Variants in GPC3 observed in about 807,000 individuals in gnomAD.
The protein encoded by GPC3 is glypican 3.
A neutral mutation model predicts 34.4 loss-of-function variants in GPC3; 3 were observed. The observed-to-expected ratio is 0.09, with a 90% confidence interval of 0.04 to 0.23. GPC3 has a LOEUF of 0.23. Among genes scored for constraint, GPC3 ranks in the 10% least tolerant of loss-of-function variants. GPC3 has a pLI of 1.00. For synonymous variants in GPC3, 177 were observed against 174.0 expected, an observed-to-expected ratio of 1.02 and a Z score of -0.13; for missense variants, 351 against 445.6, an observed-to-expected ratio of 0.79 and a Z score of 1.91.
intron 2 of GPC3, among the ~76,000 whole-genome samples, chrX:133,862,607 T>C (rs1214836156): frequency 9.1e-6 from 1 of 109,596 alleles, no homozygotes; most frequent in East Asian, 2.8e-4. Context: ...GGAGAATCGC[T>C]TGAACCTAGG....
At chrX:133,716,452 G>C (rs2071314190) in intron 3 of GPC3, among the ~76,000 whole-genome samples, 1 of 111,887 alleles carries the variant, frequency 8.9e-6, no homozygotes, top group Non-Finnish European at 1.9e-5. Context: ...ATGATGCCTT[G>C]ATAGGCAAAA....
intron 6 of GPC3, among the ~76,000 whole-genome samples, chrX:133,627,986 A>C (rs2070324479): frequency 8.9e-6 from 1 of 112,587 alleles, no homozygotes; most frequent in Admixed American, 9.4e-5. Flanking sequence ...ACATCAGTAG[A>C]TGAGGATCCT....
At chrX:133,853,882 A>G (rs2075887392) in intron 2 of GPC3, among the ~76,000 whole-genome samples, 1 of 111,856 alleles carries the variant, frequency 8.9e-6, no homozygotes. Context: ...CACTCCTCTC[A>G]GTCCTAGCTA....
chrX:133,970,912 G>T (rs1051993386), intron 1 of GPC3, among the ~76,000 whole-genome samples: 9 of 111,605 alleles, frequency 8.1e-5, no homozygotes, highest in East Asian at 5.6e-4. Context: ...AAATACCAAG[G>T]AATAGTCCAA....
chrX:133,806,688 G>A (rs933955101), intron 2 of GPC3, among the ~76,000 whole-genome samples: 4 of 106,665 alleles, frequency 3.8e-5, no homozygotes, highest in South Asian at 4.1e-4. Flanking sequence ...TTTCTCTGTC[G>A]CCCAGGCTGG....
chrX:133,621,411 G>C (rs180862543), intron 6 of GPC3, among the ~76,000 whole-genome samples: 3 of 112,219 alleles, frequency 2.7e-5, no homozygotes, highest in East Asian at 5.6e-4. Flanking sequence ...GCCAAAGGAA[G>C]CTGTGACAGA....
chrX:133,938,283 GGAGTTA>G (rs1271662989), intron 2 of GPC3, among the ~76,000 whole-genome samples: 1 of 111,795 alleles, frequency 8.9e-6, no homozygotes, highest in Admixed American at 9.5e-5. Flanking sequence ...GAAGAAATTG[GGAGTTA>G]GAGAGGTTTG....
At chrX:133,627,679 TTA>T (rs761447811) in intron 6 of GPC3, among the ~76,000 whole-genome samples, 1 of 112,644 alleles carries the variant, frequency 8.9e-6, no homozygotes, top group East Asian at 2.8e-4. Context: ...ATTTAAAGGC[TTA>T]TATGTTTTGA....
intron 2 of GPC3, among the ~76,000 whole-genome samples, chrX:133,907,247 A>G (rs2076172855): frequency 8.9e-6 from 1 of 111,918 alleles, no homozygotes; most frequent in East Asian, 2.8e-4. Flanking sequence ...ATTAAAATCA[A>G]TTTTGCCCTG....
At chrX:133,558,583 GA>G (rs2069513968) in intron 7 of GPC3, among the ~76,000 whole-genome samples, 1 of 111,085 alleles carries the variant, frequency 9.0e-6, no homozygotes, top group Admixed American at 9.7e-5. Context: ...GAGGCCTGAT[GA>G]AAACAGTTTG....
At chrX:133,687,993 A>AG (rs757214918) in intron 5 of GPC3, among the ~76,000 whole-genome samples, 20 of 112,522 alleles carry the variant, frequency 1.8e-4, no homozygotes, top group Admixed American at 1.6e-3. Context: ...CCTAGCAAAA[A>AG]GGGTGTTTGA....
At chrX:133,824,900 G>A (rs2075738697) in intron 2 of GPC3, among the ~76,000 whole-genome samples, 1 of 112,475 alleles carries the variant, frequency 8.9e-6, no homozygotes, top group Non-Finnish European at 1.9e-5. Context: ...CCGGGCTGGA[G>A]TGCAGTGGCG....
At chrX:133,917,776 C>T (rs2076231285) in intron 2 of GPC3, among the ~76,000 whole-genome samples, 1 of 111,851 alleles carries the variant, frequency 8.9e-6, no homozygotes, top group South Asian at 3.8e-4. Context: ...TTCCCCACCA[C>T]CTCTCAAATA....
intron 2 of GPC3, among the ~76,000 whole-genome samples, chrX:133,935,478 C>G (rs958005138): frequency 1.8e-5 from 2 of 110,920 alleles, no homozygotes; most frequent in Non-Finnish European, 3.8e-5. Flanking sequence ...TCTCTCTGAC[C>G]TCCCACTGCC....
chrX:133,693,549 G>A (rs73559370), intron 4 of GPC3, among the ~76,000 whole-genome samples: 4,374 of 110,988 alleles, frequency 0.039, 231 homozygotes, highest in African/African-American at 0.14. Flanking sequence ...GGAATTTTCT[G>A]GCAGTGGAGT....
At chrX:133,859,442 T>C (rs772302309) in intron 2 of GPC3, among the ~76,000 whole-genome samples, 1 of 111,467 alleles carries the variant, frequency 9.0e-6, no homozygotes, top group South Asian at 3.8e-4. Context: ...AGGCCCATAT[T>C]TGCACCTGGG....
At chrX:133,860,147 G>T (rs1465117221) in intron 2 of GPC3, among the ~76,000 whole-genome samples, 1 of 111,344 alleles carries the variant, frequency 9.0e-6, no homozygotes, top group African/African-American at 3.3e-5. Context: ...GACTTGGCAG[G>T]GACCAAACAA....
chrX:133,865,918 T>C (rs2075964249), intron 2 of GPC3, among the ~76,000 whole-genome samples: 1 of 112,407 alleles, frequency 8.9e-6, no homozygotes, highest in African/African-American at 3.2e-5. Context: ...TAAGTAGCTC[T>C]TTAAAGTAAC....
intron 2 of GPC3, among the ~76,000 whole-genome samples, chrX:133,798,928 T>C (rs977265832): frequency 8.9e-6 from 1 of 112,101 alleles, no homozygotes; most frequent in South Asian, 3.7e-4. Flanking sequence ...TAAAGTAGCA[T>C]GGACACCAGC....
Sources: gnomAD v4.1 joint callset for allele counts (sites outside exome capture counted in the v4.1 genomes callset) on GRCh38, gnomAD v4.1.1 for gene constraint, MANE v1.5 for transcripts, NCBI Gene and HGNC (gene_info 2026-07-23, HGNC 2026-07-21) for gene names.